LRRC63: variants seen among roughly 807,000 people sequenced by gnomAD.
The protein encoded by LRRC63 is leucine-rich repeat-containing protein 63.
LRRC63 carries 40 observed loss-of-function variants against 49.5 expected under a neutral mutation model. That is an observed-to-expected ratio of 0.81 (90% CI 0.63 to 1.05). LRRC63 has a LOEUF of 1.05. Ranked by LOEUF, LRRC63 falls within the 50% of genes least tolerant of loss-of-function variation. The pLI is 0.00. For synonymous variants in LRRC63, 191 were observed against 221.1 expected (o/e 0.86, Z 1.21); for missense variants, 636 against 663.1 (o/e 0.96, Z 0.45).
intron 9 of LRRC63, among the ~76,000 whole-genome samples, chr13:46,270,900 AAAAC>A (rs1208001404): frequency 3.3e-5 from 5 of 152,242 alleles, no homozygotes; most frequent in East Asian, 3.8e-4. Flanking sequence ...TTTCTGATTA[AAAAC>A]AAACAAACAA....
chr13:46,269,521 A>C (rs890066641), intron 9 of LRRC63, among the ~76,000 whole-genome samples: 5 of 91,918 alleles, frequency 5.4e-5, no homozygotes, highest in African/African-American at 1.2e-4. Flanking sequence ...TCAGACACAC[A>C]AAAAAATCAT....
intron 2 of LRRC63, among the ~76,000 whole-genome samples, chr13:46,214,014 G>A (rs7328629): frequency 0.05 from 7,627 of 152,172 alleles, 629 homozygotes; most frequent in African/African-American, 0.17. Context: ...TGTGATAAGT[G>A]CTATGAAGTA....
intron 6 of LRRC63, among the ~76,000 whole-genome samples, chr13:46,247,282 A>G (rs1198087497): frequency 6.6e-6 from 1 of 152,108 alleles, no homozygotes; most frequent in African/African-American, 2.4e-5. Flanking sequence ...TCTCTATAAT[A>G]TAATGTTTTT....
chr13:46,237,484 G>C (rs151221833), intron 5 of LRRC63, among the ~76,000 whole-genome samples: 3 of 152,088 alleles, frequency 2.0e-5, no homozygotes, highest in Non-Finnish European at 4.4e-5. Flanking sequence ...TGGTGAAGGG[G>C]TATGTGGAGA....
intron 4 of LRRC63, among the ~76,000 whole-genome samples, chr13:46,230,560 C>T (rs604501): frequency 0.54 from 81,590 of 151,978 alleles, 25,516 homozygotes; most frequent in African/African-American, 0.86. Context: ...TCCAAGAGCC[C>T]AAAAGCCGAA....
intron 8 of LRRC63, among the ~76,000 whole-genome samples, chr13:46,263,793 C>A (rs1487064558): frequency 6.6e-6 from 1 of 152,208 alleles, no homozygotes; most frequent in Non-Finnish European, 1.5e-5. Context: ...TTAAATCTTA[C>A]AAGCATTTTA....
intron 5 of LRRC63, among the ~76,000 whole-genome samples, chr13:46,235,202 G>T (rs1242744683): frequency 6.6e-6 from 1 of 152,150 alleles, no homozygotes; most frequent in Non-Finnish European, 1.5e-5. Context: ...CCTTAGCACA[G>T]AGTCGATCTG....
At chr13:46,226,710 C>G (rs1012376679) in intron 2 of LRRC63, among the ~76,000 whole-genome samples, 1 of 152,162 alleles carries the variant, frequency 6.6e-6, no homozygotes, top group African/African-American at 2.4e-5. Context: ...AATACTGTCT[C>G]CAAACTCAGA....
At chr13:46,266,614 T>C in intron 8 of LRRC63, 119 bp from the exon 9 acceptor site, 1 of 753,428 alleles carries the variant, frequency 1.3e-6, no homozygotes, top group Non-Finnish European at 2.1e-6. Flanking sequence ...CTTAAATTCA[T>C]ACTTGTATTT....
intron 4 of LRRC63, among the ~76,000 whole-genome samples, chr13:46,230,051 G>A (rs963623168): frequency 2.0e-5 from 3 of 151,990 alleles, no homozygotes. Flanking sequence ...AAGCCATGAG[G>A]GATCTACTCC....
intron 8 of LRRC63, among the ~76,000 whole-genome samples, chr13:46,264,094 G>A (rs2047650472): frequency 6.6e-6 from 1 of 152,178 alleles, no homozygotes; most frequent in Non-Finnish European, 1.5e-5. Context: ...TGCTGGGGAG[G>A]CACCTGATGC....
intron 2 of LRRC63, among the ~76,000 whole-genome samples, chr13:46,226,942 A>C (rs911846056): frequency 1.3e-5 from 2 of 152,246 alleles, no homozygotes; most frequent in Admixed American, 6.5e-5. Context: ...ATTCCTGCCT[A>C]AGAATGCAAG....
chr13:46,244,756 C>T (rs1017873963), intron 5 of LRRC63, among the ~76,000 whole-genome samples: 2 of 151,866 alleles, frequency 1.3e-5, no homozygotes, highest in Non-Finnish European at 2.9e-5. Context: ...GGTGACAGAG[C>T]GAGACCTTGT....
intron 2 of LRRC63, among the ~76,000 whole-genome samples, chr13:46,221,803 C>T (rs1374782379): frequency 6.6e-6 from 1 of 152,176 alleles, no homozygotes; most frequent in Non-Finnish European, 1.5e-5. Context: ...GTGTGAATGA[C>T]TGTGGAGGAC....
intron 7 of LRRC63, among the ~76,000 whole-genome samples, chr13:46,258,492 A>G (rs928246603): frequency 6.6e-6 from 1 of 150,854 alleles, no homozygotes; most frequent in Non-Finnish European, 1.5e-5. Flanking sequence ...GTCTTCAAGG[A>G]TGTTACAAAA....
intron 7 of LRRC63, among the ~76,000 whole-genome samples, chr13:46,255,137 A>G (rs941037148): frequency 1.3e-5 from 2 of 152,104 alleles, no homozygotes; most frequent in Non-Finnish European, 2.9e-5. Flanking sequence ...CCTTGAAAAC[A>G]TTATGCTAGG....
At chr13:46,218,234 C>T (rs967795504) in intron 2 of LRRC63, among the ~76,000 whole-genome samples, 4 of 152,170 alleles carry the variant, frequency 2.6e-5, no homozygotes, top group African/African-American at 7.2e-5. Flanking sequence ...GTGTGGGAGT[C>T]TAAGTCTCTT....
chr13:46,237,429 A>T (rs76589954), intron 5 of LRRC63, among the ~76,000 whole-genome samples: 3 of 152,214 alleles, frequency 2.0e-5, no homozygotes, highest in African/African-American at 7.2e-5. Context: ...ATATACCAAC[A>T]TGGTGTACAA....
intron 2 of LRRC63, among the ~76,000 whole-genome samples, chr13:46,218,135 A>G (rs1245460049): frequency 6.6e-6 from 1 of 152,214 alleles, no homozygotes; most frequent in Non-Finnish European, 1.5e-5. Flanking sequence ...TCCAAAGCTG[A>G]GTTCAACTCC....
Sources: allele counts gnomAD v4.1 joint callset (sites outside exome capture counted in the v4.1 genomes callset), GRCh38; gene constraint gnomAD v4.1.1; transcripts MANE v1.5; gene names NCBI Gene and HGNC (gene_info 2026-07-23, HGNC 2026-07-21).